The following CRB1 variants were observed in gnomAD, a reference collection of about 807,000 sequenced individuals.
CRB1 encodes crumbs cell polarity complex component 1.
CRB1 carries 83 observed loss-of-function variants against 120.0 expected under a neutral mutation model. The ratio of observed to expected loss-of-function variants is 0.69; its 90% CI spans 0.58 to 0.83. The LOEUF is 0.83. Among genes scored for constraint, CRB1 ranks in the 40% least tolerant of loss-of-function variants. The pLI, the probability that CRB1 is intolerant of heterozygous loss-of-function variation, is 0.00. For missense variants in CRB1, 1,699 were observed against 1,687.6 expected (o/e 1.01, Z -0.12); for synonymous variants, 625 against 612.5 (o/e 1.02, Z -0.30).
At chr1:197,434,416 C>A (rs1264823030) in intron 8 of CRB1, among the ~76,000 whole-genome samples, 1 of 152,108 alleles carries the variant, frequency 6.6e-6, no homozygotes, top group Non-Finnish European at 1.5e-5. Flanking sequence ...ATCAGACCAT[C>A]CCAGTTTGAT....
intron 5 of CRB1, among the ~76,000 whole-genome samples, chr1:197,395,449 C>T (rs2125422272): frequency 6.6e-6 from 1 of 152,194 alleles, no homozygotes; most frequent in South Asian, 2.1e-4. Context: ...GCATGATATG[C>T]ACTAAAGAAA....
chr1:197,341,635 T>A (rs1659466104), intron 2 of CRB1, among the ~76,000 whole-genome samples: 1 of 152,330 alleles, frequency 6.6e-6, no homozygotes, highest in South Asian at 2.1e-4. Flanking sequence ...GAAAAATCTT[T>A]CTGACTTCTG....
chr1:197,370,496 A>G (rs564339402), intron 5 of CRB1, among the ~76,000 whole-genome samples: 28 of 152,296 alleles, frequency 1.8e-4, no homozygotes, highest in African/African-American at 6.7e-4. Flanking sequence ...ACCACAGTGG[A>G]ATAAAACAAA....
chr1:197,385,875 T>C (rs1662189398), intron 5 of CRB1, among the ~76,000 whole-genome samples: 1 of 152,018 alleles, frequency 6.6e-6, no homozygotes, highest in Admixed American at 6.6e-5. Flanking sequence ...AAAAAGAAGT[T>C]AACTACAATC....
intron 5 of CRB1, among the ~76,000 whole-genome samples, chr1:197,372,644 A>C (rs934341530): frequency 1.1e-4 from 17 of 152,182 alleles, no homozygotes; most frequent in African/African-American, 4.1e-4. Flanking sequence ...CTGAAATCTC[A>C]GTGCTTTGGG....
chr1:197,413,996 C>CAT (rs750479395), intron 5 of CRB1: 1 of 456,254 alleles, frequency 2.2e-6, no homozygotes, highest in South Asian at 1.6e-5. Context: ...TGGCAATGCT[C>CAT]ATAGGTAACT....
chr1:197,226,626 T>C, the CRB1 span, among the ~76,000 whole-genome samples: 1 of 152,120 alleles, frequency 6.6e-6, no homozygotes, highest in East Asian at 1.9e-4. Context: ...GCCCTCATGA[T>C]GGGATTAGCA....
the CRB1 span, among the ~76,000 whole-genome samples, chr1:197,260,177 GGAAGAGGAA>G: frequency 1.2e-4 from 17 of 139,192 alleles, no homozygotes; most frequent in Non-Finnish European, 2.1e-4. Context: ...GAGAGGAAGA[GGAAGAGGAA>G]GAAGAGGAAG....
chr1:197,470,966 ATTGT>A (rs954708115), intron 11 of CRB1, among the ~76,000 whole-genome samples: 30 of 152,182 alleles, frequency 2.0e-4, no homozygotes, highest in African/African-American at 6.5e-4. Flanking sequence ...GTTGAGGTTG[ATTGT>A]TTAACCTGGA....
chr1:197,327,132 A>AAAAAC (rs1558055752), intron 1 of CRB1, among the ~76,000 whole-genome samples: 1 of 148,670 alleles, frequency 6.7e-6, no homozygotes, highest in Non-Finnish European at 1.5e-5. Context: ...AAAAAAAAAA[A>AAAAAC]CAGAAACCAA....
chr1:197,332,945 G>C (rs1658949292), intron 2 of CRB1, among the ~76,000 whole-genome samples: 1 of 152,110 alleles, frequency 6.6e-6, no homozygotes, highest in Non-Finnish European at 1.5e-5. Flanking sequence ...GAGAAGGAAA[G>C]AAAAAAGACC....
intron 5 of CRB1, among the ~76,000 whole-genome samples, chr1:197,393,138 G>C (rs1662594676): frequency 6.6e-6 from 1 of 152,038 alleles, no homozygotes; most frequent in African/African-American, 2.4e-5. Context: ...AGAATGCAGA[G>C]AGGAAAAAAT....
intron 4 of CRB1, among the ~76,000 whole-genome samples, chr1:197,350,317 ATACTT>A (rs1660026316): frequency 6.6e-6 from 1 of 152,164 alleles, no homozygotes; most frequent in South Asian, 2.1e-4. Context: ...AGGGATAAAA[ATACTT>A]TACTTGTAGT....
At chr1:197,277,115 AAGTT>A (rs1488218814) in intron 1 of CRB1, among the ~76,000 whole-genome samples, 1 of 151,970 alleles carries the variant, frequency 6.6e-6, no homozygotes, top group East Asian at 1.9e-4. Flanking sequence ...TTTTTAAAAA[AAGTT>A]AGTCCTAAAT....
At chr1:197,202,942 C>A in the CRB1 span, among the ~76,000 whole-genome samples, 1 of 151,182 alleles carries the variant, frequency 6.6e-6, no homozygotes, top group Non-Finnish European at 1.5e-5. Context: ...AAATCGTAGA[C>A]CTACAAGTGA....
chr1:197,345,591 C>A (rs1354847297), intron 3 of CRB1, among the ~76,000 whole-genome samples: 1 of 148,586 alleles, frequency 6.7e-6, no homozygotes, highest in Non-Finnish European at 1.5e-5. Context: ...TCACCGCAAC[C>A]TCCGCCTTCC....
intron 8 of CRB1, among the ~76,000 whole-genome samples, chr1:197,432,172 G>T (rs1202211673): frequency 6.6e-6 from 1 of 152,132 alleles, no homozygotes; most frequent in Non-Finnish European, 1.5e-5. Flanking sequence ...ACCCAGATCA[G>T]AAGACATGAT....
In CRB1 at chr1:197,343,849, T is replaced by A. The variant is rs187063834; in HGVS notation, c.653-432T>A. ...AGAAGCTTGCCCAAGGTCATACAGC[T>A]AATAAGTGGCTGTGCCAGGATCCCG... On this transcript the variant is annotated intron_variant, in intron 2 of 11. Coordinates refer to ENST00000367400, the MANE Select transcript of CRB1 (RefSeq NM_201253.3). Among the ~76,000 whole-genome samples, 334 of 152,290 alleles carry A rather than the reference T, an allele frequency of 2.2e-3. 2 individuals carry two copies. The highest frequency in any genetic ancestry group is 7.9e-3 in the African/African-American group (327 of 41,566).
chr1:197,321,706 A>T (rs953847017), intron 1 of CRB1, among the ~76,000 whole-genome samples: 3 of 152,232 alleles, frequency 2.0e-5, no homozygotes, highest in African/African-American at 7.2e-5. Flanking sequence ...CATATATGGC[A>T]TGAAGAACAC....
Sources: allele counts gnomAD v4.1 joint callset (sites outside exome capture counted in the v4.1 genomes callset), GRCh38; gene constraint gnomAD v4.1.1; transcripts MANE v1.5; gene names NCBI Gene and HGNC (gene_info 2026-07-23, HGNC 2026-07-21).